Variants in DNM3 observed in about 807,000 individuals in gnomAD.
DNM3 encodes dynamin 3.
A neutral mutation model predicts 101.6 loss-of-function variants in DNM3; 47 were observed. That is an observed-to-expected ratio of 0.46 (90% CI 0.37 to 0.59). The LOEUF (loss-of-function observed/expected upper bound fraction) is 0.59, where lower values mean the gene tolerates loss of function less well. Among genes scored for constraint, DNM3 ranks in the 20% least tolerant of loss-of-function variants. The probability of loss-of-function intolerance (pLI) is 0.00; values close to 1 mark genes in which losing one functional copy is unlikely to be tolerated. For synonymous variants in DNM3, 385 were observed against 387.9 expected (o/e 0.99, Z 0.09); for missense variants, 849 against 1,085.7 (o/e 0.78, Z 3.06).
At position 172,323,355 on chromosome 1, in the gene DNM3, C is replaced by G. The variant is rs750142198; in HGVS notation, c.1893+15C>G. On this transcript the variant is annotated intron_variant, in intron 17 of 20. Transcript: ENST00000627582. ...GGAACAACAAAGTAAGTTATTTGTC[C>G]TCTTGCAGCTCTTCTGTCCCCCCAG... 1 of 1,605,214 alleles carries G rather than the reference C, an allele frequency of 6.2e-7. No individual in the cohort carries two copies. The highest frequency in any genetic ancestry group is 8.5e-7 in the Non-Finnish European group (1 of 1,175,596).
chr1:172,316,565 CA>C (rs769878560), intron 16 of DNM3, among the ~76,000 whole-genome samples: 1 of 151,474 alleles, frequency 6.6e-6, no homozygotes, highest in African/African-American at 2.4e-5. Flanking sequence ...AAATGGAAAA[CA>C]AAAAAAGGCA....
At chr1:171,883,413 A>ACC (rs1272594693) in intron 1 of DNM3, among the ~76,000 whole-genome samples, 1 of 47,690 alleles carries the variant, frequency 2.1e-5, no homozygotes, top group African/African-American at 7.6e-5. Flanking sequence ...ACACACACAC[A>ACC]CCCTGTCAGA....
intron 6 of DNM3, among the ~76,000 whole-genome samples, chr1:172,034,887 C>A (rs549581746): frequency 6.6e-6 from 1 of 152,048 alleles, no homozygotes; most frequent in East Asian, 1.9e-4. Context: ...TGTTTCTAGA[C>A]CAAATTGAGG....
intron 10 of DNM3, among the ~76,000 whole-genome samples, chr1:172,053,583 G>A (rs1218538302): frequency 6.6e-6 from 1 of 152,056 alleles, no homozygotes; most frequent in Non-Finnish European, 1.5e-5. Context: ...TCTCTAGCCT[G>A]TAACACAGTG....
chr1:172,093,450 T>C (rs2054046209), intron 13 of DNM3, among the ~76,000 whole-genome samples: 1 of 152,214 alleles, frequency 6.6e-6, no homozygotes, highest in Non-Finnish European at 1.5e-5. Context: ...TTGTATTAAC[T>C]CAACAGTTTG....
At chr1:172,239,180 G>T (rs534288844) in intron 14 of DNM3, among the ~76,000 whole-genome samples, 1 of 152,202 alleles carries the variant, frequency 6.6e-6, no homozygotes, top group African/African-American at 2.4e-5. Flanking sequence ...CTATTGTTTC[G>T]CTGCTTCACA....
At chr1:171,886,061 C>T (rs1388052522) in intron 1 of DNM3, among the ~76,000 whole-genome samples, 1 of 152,090 alleles carries the variant, frequency 6.6e-6, no homozygotes, top group African/African-American at 2.4e-5. Context: ...GTGGAATCTT[C>T]CATGGGAGCA....
At chr1:172,171,235 A>G (rs2058947220) in intron 14 of DNM3, among the ~76,000 whole-genome samples, 2 of 151,798 alleles carry the variant, frequency 1.3e-5, no homozygotes, top group African/African-American at 2.4e-5. Flanking sequence ...TCCTCCCTAT[A>G]CTTACTCTAT....
intron 14 of DNM3, among the ~76,000 whole-genome samples, chr1:172,142,783 G>A (rs2761185): frequency 0.055 from 8,000 of 146,420 alleles, 265 homozygotes; most frequent in East Asian, 0.12. Context: ...CATTACCAAA[G>A]TACCTTGTTA....
intron 1 of DNM3, among the ~76,000 whole-genome samples, chr1:171,868,250 G>T (rs894101827): frequency 6.6e-6 from 1 of 151,986 alleles, no homozygotes; most frequent in African/African-American, 2.4e-5. Flanking sequence ...ATCTCTTAGG[G>T]GTAATCAGTT....
intron 15 of DNM3, among the ~76,000 whole-genome samples, chr1:172,279,283 G>A (rs910871461): frequency 6.6e-6 from 1 of 152,034 alleles, no homozygotes; most frequent in Non-Finnish European, 1.5e-5. Context: ...GTGGACTATT[G>A]TACCCCAAAA....
chr1:172,253,508 TC>T (rs373145971), intron 14 of DNM3, 64 bp from the exon 15 acceptor site: 1 of 643,522 alleles, frequency 1.6e-6, no homozygotes. Context: ...TCCTCTCCTC[TC>T]CTCTCCTCTC....
chr1:172,225,416 T>C (rs866643631), intron 14 of DNM3, among the ~76,000 whole-genome samples: 2 of 152,086 alleles, frequency 1.3e-5, no homozygotes, highest in Non-Finnish European at 2.9e-5. Flanking sequence ...ATTACAGGCA[T>C]GAGCCACCGT....
intron 14 of DNM3, among the ~76,000 whole-genome samples, chr1:172,250,966 A>C (rs1019564975): frequency 6.6e-6 from 1 of 152,184 alleles, no homozygotes; most frequent in Non-Finnish European, 1.5e-5. Context: ...GTTTACCCCC[A>C]ATATATTCAA....
At chr1:172,417,625 G>C (rs1209417490), downstream of DNM3, among the ~76,000 whole-genome samples, 1 of 152,188 alleles carries the variant, frequency 6.6e-6, no homozygotes, top group African/African-American at 2.4e-5. Flanking sequence ...CCATGGACCA[G>C]ACCTTGCCTC....
chr1:172,085,987 T>C (rs1337482223), intron 12 of DNM3, among the ~76,000 whole-genome samples: 1 of 152,186 alleles, frequency 6.6e-6, no homozygotes, highest in African/African-American at 2.4e-5. Flanking sequence ...CTTGGTTGCT[T>C]ACTGAGATTG....
At chr1:171,967,662 C>T (rs1340916127) in intron 2 of DNM3, among the ~76,000 whole-genome samples, 1 of 152,146 alleles carries the variant, frequency 6.6e-6, no homozygotes, top group Non-Finnish European at 1.5e-5. Flanking sequence ...GGAATCGTCA[C>T]CAAGTCACTA....
intron 4 of DNM3, among the ~76,000 whole-genome samples, chr1:171,993,648 TTTC>T (rs2045797057): frequency 2.0e-5 from 3 of 152,038 alleles, no homozygotes; most frequent in Non-Finnish European, 4.4e-5. Flanking sequence ...TCAGCCATTA[TTTC>T]TTCAACTATT....
chr1:172,355,665 C>G (rs1399689514), intron 17 of DNM3, among the ~76,000 whole-genome samples: 2 of 152,082 alleles, frequency 1.3e-5, no homozygotes, highest in Admixed American at 1.3e-4. Context: ...AGTTGGTTCT[C>G]ATGAGCTGGT....
Sources: allele counts gnomAD v4.1 joint callset (sites outside exome capture counted in the v4.1 genomes callset), GRCh38; gene constraint gnomAD v4.1.1; transcripts MANE v1.5; gene names NCBI Gene and HGNC (gene_info 2026-07-23, HGNC 2026-07-21).